MAD1L1: variants seen among roughly 807,000 people sequenced by gnomAD.
The protein encoded by MAD1L1 is mitotic arrest deficient 1 like 1.
In MAD1L1, 95 loss-of-function variants were observed where a neutral mutation model predicts 96.9. The ratio of observed to expected loss-of-function variants is 0.98; its 90% CI spans 0.83 to 1.16. MAD1L1 has a LOEUF of 1.16. MAD1L1 is among the 50% of genes most tolerant of loss of function. The pLI is 0.00. For synonymous variants in MAD1L1, 473 were observed against 396.6 expected (o/e 1.19, Z -2.29); for missense variants, 1,007 against 954.4 (o/e 1.06, Z -0.73).
intron 11 of MAD1L1, among the ~76,000 whole-genome samples, chr7:2,125,443 C>T (rs770500063): frequency 2.6e-4 from 39 of 152,172 alleles, no homozygotes; most frequent in Non-Finnish European, 4.7e-4. Context: ...GTGATGTCTC[C>T]GCAGCCTGGT....
intron 14 of MAD1L1, among the ~76,000 whole-genome samples, chr7:1,988,172 G>A (rs948493715): frequency 3.9e-5 from 6 of 152,236 alleles, no homozygotes; most frequent in African/African-American, 9.6e-5. Flanking sequence ...GGAAGAGGGC[G>A]CTGGGGACAA....
At position 2,014,582 on chromosome 7, in the gene MAD1L1, A is replaced by G; in HGVS notation, c.1279T>C (p.Tyr427His). 1 of 1,612,218 alleles carries G rather than the reference A, an allele frequency of 6.2e-7. No individual in the cohort carries two copies. The highest frequency in any genetic ancestry group is 8.5e-7 in the Non-Finnish European group (1 of 1,179,750). ...SYDSELTPAEYSPQLTRRMRE... is the reference protein window; with the variant it reads ...SYDSELTPAEHSPQLTRRMRE... Reference sequence around the variant, plus strand: ...ATGCGCCGCGTCAGCTGGGGTGAGTACTCGGCCGGGGTCAGCTCGCTGTCG... The same window carrying G: ...ATGCGCCGCGTCAGCTGGGGTGAGTGCTCGGCCGGGGTCAGCTCGCTGTCG... Residue 427 changes from tyrosine (Y) to histidine (H), a missense_variant, in exon 13 of 19, where the codon TAC (tyrosine) becomes CAC (histidine). Coordinates refer to ENST00000265854, the MANE Select transcript of MAD1L1 (RefSeq NM_001013836.2).
At chr7:2,094,279 A>G (rs6968659) in intron 11 of MAD1L1, among the ~76,000 whole-genome samples, 21,272 of 152,170 alleles carry the variant, frequency 0.14, 4,817 homozygotes, top group African/African-American at 0.48. Flanking sequence ...CTGGATGCAG[A>G]ATCCCTCTGG....
At chr7:2,181,732 C>A (rs1791208339) in intron 10 of MAD1L1, among the ~76,000 whole-genome samples, 1 of 152,162 alleles carries the variant, frequency 6.6e-6, no homozygotes, top group South Asian at 2.1e-4. Context: ...CGCATGTTCA[C>A]AGCAGCACAA....
chr7:1,882,519 C>G (rs1214209300), intron 18 of MAD1L1, among the ~76,000 whole-genome samples: 1 of 152,206 alleles, frequency 6.6e-6, no homozygotes, highest in Non-Finnish European at 1.5e-5. Context: ...TGACGTTGCT[C>G]TGGCTGGAGT....
chr7:1,936,674 G>A lies in MAD1L1; in HGVS notation c.1807+13C>T, dbSNP rs759656848. On this transcript the variant is annotated intron_variant, in intron 17 of 18. Coordinates refer to ENST00000265854, the MANE Select transcript of MAD1L1 (RefSeq NM_001013836.2). ...GTCGAGGATGGCAGGGACCGGGGGT[G>A]GGGGGTGCCTACCTGCCACCTCCTT... 6 of 1,544,480 alleles carry A rather than the reference G, an allele frequency of 3.9e-6. No homozygotes were observed. Among genetic ancestry groups the A allele is most frequent in the Non-Finnish European group, 5.2e-6 (6 of 1,145,842 alleles).
intron 15 of MAD1L1, among the ~76,000 whole-genome samples, chr7:1,964,169 C>T (rs1466621316): frequency 6.6e-6 from 1 of 152,170 alleles, no homozygotes; most frequent in Non-Finnish European, 1.5e-5. Context: ...AGTGAACCTG[C>T]CCAAGGTGAT....
intron 13 of MAD1L1, among the ~76,000 whole-genome samples, chr7:2,012,346 C>T (rs543623616): frequency 1.1e-4 from 17 of 152,340 alleles, no homozygotes; most frequent in African/African-American, 3.8e-4. Flanking sequence ...AATCGCTCAA[C>T]GTGGAAAACG....
Position 2,216,305 on chromosome 7 carries a change from C to T in MAD1L1, c.679-18G>A. ...TCCAGATCCTGATGGAGGCCAGGGACAGAGAAGAAGGGAAAAATGAGCCAC... is the reference window on the plus strand; with the variant it reads ...TCCAGATCCTGATGGAGGCCAGGGATAGAGAAGAAGGGAAAAATGAGCCAC... On this transcript the variant is annotated intron_variant, in intron 7 of 18. Coordinates refer to ENST00000265854, the MANE Select transcript of MAD1L1 (RefSeq NM_001013836.2). The T allele has an allele frequency of 6.2e-7, 1 of 1,609,124 alleles. No homozygotes were observed. The highest frequency in any genetic ancestry group is 8.5e-7 in the Non-Finnish European group (1 of 1,178,664).
intron 18 of MAD1L1, among the ~76,000 whole-genome samples, chr7:1,824,505 G>C (rs957416499): frequency 2.6e-5 from 4 of 152,178 alleles, no homozygotes; most frequent in Non-Finnish European, 4.4e-5. Context: ...CAGCTGCCCC[G>C]TGCCCTGGCG....
chr7:1,989,483 G>A (rs760086173), intron 14 of MAD1L1, among the ~76,000 whole-genome samples: 6 of 152,260 alleles, frequency 3.9e-5, no homozygotes, highest in East Asian at 1.9e-4. Context: ...AGCCAGGCAC[G>A]GGCTGGGAGC....
chr7:1,865,521 C>T (rs1018627811), intron 18 of MAD1L1, among the ~76,000 whole-genome samples: 3 of 152,242 alleles, frequency 2.0e-5, no homozygotes, highest in Non-Finnish European at 2.9e-5. Context: ...TATTTACAAG[C>T]GCAGGGCGAC....
In MAD1L1 at chr7:1,913,875, G is replaced by A. The variant is rs188945980; in HGVS notation, c.1808-15485C>T. On this transcript the variant is annotated intron_variant, in intron 17 of 18. Coordinates refer to ENST00000265854, the MANE Select transcript of MAD1L1 (RefSeq NM_001013836.2). ...GAAGAATCCTGCAGGAAACGCCACA[G>A]ACTCAGTCATGCCCCCTCACAGTTC... 4.2e-3 allele frequency among the ~76,000 whole-genome samples: 641 copies of A among 152,268 alleles called. 1 individual carries two copies. The highest frequency in any genetic ancestry group is 6.9e-3 in the Non-Finnish European group (470 of 67,996).
intron 16 of MAD1L1, among the ~76,000 whole-genome samples, chr7:1,952,196 T>C (rs531379773): frequency 6.6e-6 from 1 of 152,198 alleles, no homozygotes; most frequent in Non-Finnish European, 1.5e-5. Context: ...ACATTCCTGG[T>C]TTCCCACACA....
chr7:2,030,211 A>G (rs4721325), intron 12 of MAD1L1, among the ~76,000 whole-genome samples: 29,086 of 152,100 alleles, frequency 0.19, 5,477 homozygotes, highest in African/African-American at 0.48. Context: ...CCCGCGCTCC[A>G]CGGAAGGTCC....
chr7:1,868,679 G>A (rs893995953), intron 18 of MAD1L1, among the ~76,000 whole-genome samples: 5 of 152,240 alleles, frequency 3.3e-5, no homozygotes, highest in African/African-American at 1.2e-4. Context: ...GGAGTGACAC[G>A]CACTGCGTGT....
At chr7:2,109,050 C>T (rs898284220) in intron 11 of MAD1L1, among the ~76,000 whole-genome samples, 8 of 152,246 alleles carry the variant, frequency 5.3e-5, no homozygotes, top group South Asian at 2.1e-4. Context: ...ACAGCCTCCC[C>T]GCACCCGCTC....
At chr7:1,905,302 TCCAGGCAGCAAGGA>T in intron 17 of MAD1L1, among the ~76,000 whole-genome samples, 1 of 91,286 alleles carries the variant, frequency 1.1e-5, no homozygotes, top group African/African-American at 3.7e-5. Context: ...AAAGCACTGT[TCCAGGCAGCAAGGA>T]TGCAGTGGCC....
chr7:2,004,804 C>T (rs1282831348), intron 13 of MAD1L1, among the ~76,000 whole-genome samples: 1 of 152,244 alleles, frequency 6.6e-6, no homozygotes, highest in Non-Finnish European at 1.5e-5. Flanking sequence ...GCCGAGGCGT[C>T]CACCTCCGTA....
Sources: gnomAD v4.1 joint callset for allele counts (sites outside exome capture counted in the v4.1 genomes callset) on GRCh38, gnomAD v4.1.1 for gene constraint, MANE v1.5 for transcripts, NCBI Gene and HGNC (gene_info 2026-07-23, HGNC 2026-07-21) for gene names.